CEP57L1: variants seen among roughly 807,000 people sequenced by gnomAD.
CEP57L1 encodes the protein centrosomal protein 57 like 1, also known as centrosomal protein CEP57L1.
In CEP57L1, 37 loss-of-function variants were observed where a neutral mutation model predicts 61.0. The observed-to-expected ratio is 0.61, with a 90% CI of 0.47 to 0.80. The LOEUF (loss-of-function observed/expected upper bound fraction) is 0.80, where lower values mean the gene tolerates loss of function less well. Among genes scored for constraint, CEP57L1 ranks in the 30% least tolerant of loss-of-function variants. The probability of loss-of-function intolerance (pLI) is 0.00; values close to 1 mark genes in which losing one functional copy is unlikely to be tolerated. For synonymous variants in CEP57L1, 137 were observed against 162.3 expected (o/e 0.84, Z 1.19); for missense variants, 422 against 524.7 (o/e 0.80, Z 1.91).
intron 1 of CEP57L1, among the ~76,000 whole-genome samples, chr6:109,096,871 G>A (rs1781762199): frequency 1.3e-5 from 2 of 152,120 alleles, no homozygotes; most frequent in African/African-American, 2.4e-5. Context: ...TTTTTATGCC[G>A]TAGTTAAATA....
In CEP57L1 at chr6:109,162,638, T is replaced by A. The variant is rs540601555; in HGVS notation, c.1162-111T>A. On this transcript the variant is annotated intron_variant, in intron 10 of 10. Transcript: ENST00000517392. ...TAAAAACTTAATGAATTGAATTTTT[T>A]AATGTTCAATTTTAACTTTTTAACG... is the stretch of plus-strand genomic sequence containing the variant. 7.2e-6 allele frequency: 5 copies of A among 697,938 alleles called. No individual in the cohort carries two copies. In the East Asian group the frequency reaches 1.1e-4, roughly 15 times the overall value. 43.2% of individuals were successfully genotyped at this position (697,938 alleles called of 1,614,324 possible). A position where few individuals can be genotyped will look rare whatever the true frequency, so the allele number is the denominator to read the frequency against.
chr6:109,137,132 T>C (rs1185292224), intron 1 of CEP57L1, among the ~76,000 whole-genome samples: 2 of 152,190 alleles, frequency 1.3e-5, no homozygotes, highest in African/African-American at 4.8e-5. Flanking sequence ...AAAAACTCTG[T>C]TTTTAATAAA....
rs538083441 is a variant in CEP57L1 at position 109,167,929 on chromosome 6, C to T, written c.*4959C>T. On this transcript the variant is annotated 3_prime_UTR_variant, in exon 11 of 11. Coordinates refer to ENST00000517392, the MANE Select transcript of CEP57L1 (RefSeq NM_001271852.3). ...TACTGTATTAGCTACTATGGAATTC[C>T]GTTTTCAAGTTGCTTATAGTCTTGA... Among the ~76,000 whole-genome samples, 9 of 152,174 alleles carry T rather than the reference C, an allele frequency of 5.9e-5. No homozygotes were observed. The South Asian group carries it at 1.0e-3, about 18-fold the overall frequency.
chr6:109,127,924 G>A (rs544801076), intron 1 of CEP57L1, among the ~76,000 whole-genome samples: 3 of 152,002 alleles, frequency 2.0e-5, no homozygotes, highest in Non-Finnish European at 2.9e-5. Context: ...CACTGCGGCC[G>A]ACCAAACCTG....
intron 1 of CEP57L1, among the ~76,000 whole-genome samples, chr6:109,098,424 G>T (rs1243720939): frequency 1.3e-5 from 2 of 151,934 alleles, no homozygotes; most frequent in African/African-American, 4.8e-5. Flanking sequence ...TGGATTACAG[G>T]TGTGAGCCAC....
At chr6:109,106,336 A>G (rs534072186) in intron 1 of CEP57L1, among the ~76,000 whole-genome samples, 3 of 151,946 alleles carry the variant, frequency 2.0e-5, no homozygotes, top group Admixed American at 1.3e-4. Context: ...CAATTTTTAT[A>G]CTCTTATACA....
intron 1 of CEP57L1, among the ~76,000 whole-genome samples, chr6:109,127,689 C>T (rs1429431042): frequency 7.9e-5 from 12 of 152,060 alleles, no homozygotes; most frequent in South Asian, 2.1e-4. Flanking sequence ...GGCGCAGTCT[C>T]GGCTTGCTGC....
intron 1 of CEP57L1, among the ~76,000 whole-genome samples, chr6:109,106,815 C>A (rs1157093438): frequency 6.6e-6 from 1 of 152,092 alleles, no homozygotes; most frequent in Non-Finnish European, 1.5e-5. Flanking sequence ...TGGCACACAC[C>A]TGTAATCCCA....
chr6:109,125,107 C>G (rs545824592), intron 1 of CEP57L1: 40 of 152,192 alleles, frequency 2.6e-4, no homozygotes, highest in Admixed American at 1.4e-3. Context: ...CTGGAACTTT[C>G]CAGTGAAGGG....
In CEP57L1 at chr6:109,162,827, A is replaced by G. The variant is rs749551069; in HGVS notation, c.1240A>G (p.Lys414Glu). 3.1e-6 allele frequency: 5 copies of G among 1,613,482 alleles called. No homozygotes were observed. The highest frequency in any genetic ancestry group is 4.2e-6 in the Non-Finnish European group (5 of 1,179,586). Residue 414 changes from lysine to glutamate, a missense_variant, in exon 11 of 11, where the codon AAA becomes GAA. Transcript: ENST00000517392. ...SGIQQEDSYP[K>E]GSKNIKNSPR... ...TATTCAGCAAGAAGACAGCTACCCTAAAGGATCAAAGAACATAAAAAATAG... is the reference window on the plus strand; with the variant it reads ...TATTCAGCAAGAAGACAGCTACCCTGAAGGATCAAAGAACATAAAAAATAG...
chr6:109,139,595 G>A (rs1005752239), intron 1 of CEP57L1, among the ~76,000 whole-genome samples: 11 of 151,568 alleles, frequency 7.3e-5, no homozygotes, highest in Admixed American at 2.0e-4. Flanking sequence ...TCCTGCCTCC[G>A]CTTTTCAAGC....
chr6:109,166,381 C>CTTT lies in CEP57L1; in HGVS notation c.*3425_*3427dup, dbSNP rs559614206. Among the ~76,000 whole-genome samples the CTTT allele has an allele frequency of 4.5e-5, 6 of 134,526 alleles. No homozygotes were observed. The South Asian group carries it at 7.1e-4, about 16-fold the overall frequency. The allele number at this position is 134,526 out of a possible 152,430, so 88.3% of individuals were successfully genotyped here. ...GTAATTTTAACTATAAATGTATATT[C>CTTT]TTTTTTTTTTTTTTTTGGTGGGCAT... On this transcript the variant is annotated 3_prime_UTR_variant, in exon 11 of 11. Coordinates refer to ENST00000517392, the MANE Select transcript of CEP57L1 (RefSeq NM_001271852.3).
intron 1 of CEP57L1, among the ~76,000 whole-genome samples, chr6:109,106,981 C>A (rs17070181): frequency 0.14 from 21,044 of 151,994 alleles, 1,755 homozygotes; most frequent in African/African-American, 0.22. Context: ...TTAACATGTA[C>A]GTATAAAAGA....
chr6:109,099,546 T>A (rs528916854), intron 1 of CEP57L1, among the ~76,000 whole-genome samples: 211 of 151,902 alleles, frequency 1.4e-3, no homozygotes, highest in South Asian at 2.9e-3. Context: ...TTATTTATTT[T>A]TATTTATTTA....
intron 1 of CEP57L1, among the ~76,000 whole-genome samples, chr6:109,102,214 T>C (rs1290273187): frequency 6.6e-6 from 1 of 152,210 alleles, no homozygotes; most frequent in Non-Finnish European, 1.5e-5. Context: ...TTTTGTTTTT[T>C]AGAGGCAGGG....
At chr6:109,162,156 C>G (rs554953880) in intron 10 of CEP57L1, among the ~76,000 whole-genome samples, 5 of 151,910 alleles carry the variant, frequency 3.3e-5, no homozygotes, top group South Asian at 2.1e-4. Flanking sequence ...CAAAAGTATT[C>G]CTGAATTTAA....
chr6:109,126,314 C>T (rs1182614270), intron 1 of CEP57L1, among the ~76,000 whole-genome samples: 1 of 152,126 alleles, frequency 6.6e-6, no homozygotes, highest in Non-Finnish European at 1.5e-5. Context: ...TCTCCAGCTG[C>T]TTTCTACCTC....
chr6:109,167,930 G>A lies in CEP57L1; in HGVS notation c.*4960G>A, dbSNP rs756293540. The stretch of plus-strand genomic sequence containing the variant: ...ACTGTATTAGCTACTATGGAATTCC[G>A]TTTTCAAGTTGCTTATAGTCTTGAG... On this transcript the variant is annotated 3_prime_UTR_variant, in exon 11 of 11. Transcript: ENST00000517392. Among the ~76,000 whole-genome samples the A allele has an allele frequency of 2.2e-4, 34 of 152,270 alleles. No individual in the cohort carries two copies. Among genetic ancestry groups the A allele is most frequent in the Non-Finnish European group, 4.6e-4 (31 of 68,016 alleles).
intron 5 of CEP57L1, among the ~76,000 whole-genome samples, chr6:109,154,276 TC>T: frequency 6.6e-6 from 1 of 152,272 alleles, no homozygotes; most frequent in Non-Finnish European, 1.5e-5. Flanking sequence ...CCCCTCTTCA[TC>T]CTTTTTCCCT....
Sources: allele counts gnomAD v4.1 joint callset (sites outside exome capture counted in the v4.1 genomes callset), GRCh38; gene constraint gnomAD v4.1.1; transcripts MANE v1.5; gene names NCBI Gene and HGNC (gene_info 2026-07-23, HGNC 2026-07-21).